DOCK9: variants seen among roughly 807,000 people sequenced by gnomAD.
The protein encoded by DOCK9 is dedicator of cytokinesis protein 9.
In DOCK9, 89 loss-of-function variants were observed where a neutral mutation model predicts 263.3. The observed-to-expected ratio is 0.34, with a 90% CI of 0.28 to 0.40. The LOEUF (loss-of-function observed/expected upper bound fraction) is 0.40. DOCK9 is among the 10% of genes least tolerant of loss of function. DOCK9 has a pLI of 1.00. For synonymous variants in DOCK9, 976 were observed against 973.1 expected, an observed-to-expected ratio of 1.00 and a Z score of -0.06; for missense variants, 2,140 against 2,603.4, an observed-to-expected ratio of 0.82 and a Z score of 3.87.
At chr13:98,967,413 G>C (rs756613525) in intron 1 of DOCK9, among the ~76,000 whole-genome samples, 3 of 152,196 alleles carry the variant, frequency 2.0e-5, no homozygotes, top group Non-Finnish European at 2.9e-5. Context: ...CTATATGGTT[G>C]CATCATCACC....
chr13:98,814,243 A>T (rs182878690), intron 45 of DOCK9, among the ~76,000 whole-genome samples: 1 of 152,342 alleles, frequency 6.6e-6, no homozygotes, highest in East Asian at 1.9e-4. Context: ...GTGCTTATTA[A>T]AAGGTACATC....
chr13:98,810,109 G>A (rs775363066), intron 46 of DOCK9, 60 bp downstream of exon 46: 115 of 1,606,300 alleles, frequency 7.2e-5, no homozygotes, highest in Non-Finnish European at 8.8e-5. Flanking sequence ...ATGCAGGTCT[G>A]GGTATATGTC....
chr13:98,878,688 G>T lies in DOCK9; in HGVS notation c.2943+1210C>A, dbSNP rs145823440. Among the ~76,000 whole-genome samples, 11 of 152,246 alleles carry T rather than the reference G, an allele frequency of 7.2e-5. No homozygotes were observed. The East Asian group carries it at 1.7e-3, about 24-fold the overall frequency. ...CCACTTCCATCTGGCATCTCCCTAT[G>T]CACTAAAATCAGAAGCTCTAAACTG... On this transcript the variant is annotated intron_variant, in intron 27 of 52. Transcript: ENST00000682017.
intron 1 of DOCK9, among the ~76,000 whole-genome samples, chr13:99,001,986 C>T (rs1199822721): frequency 6.6e-6 from 1 of 152,190 alleles, no homozygotes; most frequent in Non-Finnish European, 1.5e-5. Context: ...CTACCCCACT[C>T]CCCACCTACG....
intron 1 of DOCK9, among the ~76,000 whole-genome samples, chr13:98,991,174 T>A (rs1306112410): frequency 1.3e-5 from 2 of 152,036 alleles, no homozygotes; most frequent in Non-Finnish European, 2.9e-5. Flanking sequence ...TGGGTTCACG[T>A]TGATTCTTTG....
chr13:98,862,467 T>C (rs72650395), intron 32 of DOCK9, among the ~76,000 whole-genome samples: 23,384 of 151,958 alleles, frequency 0.15, 1,999 homozygotes, highest in East Asian at 0.23. Context: ...GGTGGGCAGA[T>C]GGAGAGTTCC....
chr13:98,815,078 G>A (rs1444777096), intron 45 of DOCK9, among the ~76,000 whole-genome samples: 3 of 152,010 alleles, frequency 2.0e-5, no homozygotes, highest in Non-Finnish European at 2.9e-5. Flanking sequence ...TCTATTGGAC[G>A]AGTGAATCAA....
intron 1 of DOCK9, among the ~76,000 whole-genome samples, chr13:99,076,184 T>A (rs547826729): frequency 6.6e-6 from 1 of 152,244 alleles, no homozygotes. Flanking sequence ...AGATATAATG[T>A]CACCATCCAC....
rs762219827 is a variant in DOCK9, at chr13:98,888,234, A to G, written c.1978-11T>C. 3 of 1,609,694 alleles carry G rather than the reference A, an allele frequency of 1.9e-6. No homozygotes were observed. The highest frequency in any genetic ancestry group is 2.2e-5 in the South Asian group (2 of 89,936). ...CGCAATATTTCTAGCCTGCAGCAAT[A>G]AACAAAACAGAATAAGAAAAAACAA... is the stretch of plus-strand genomic sequence containing the variant. On this transcript the variant is annotated splice_polypyrimidine_tract_variant and intron_variant, in intron 17 of 52. Coordinates refer to ENST00000682017, the MANE Select transcript of DOCK9 (RefSeq NM_001366683.2).
intron 1 of DOCK9, among the ~76,000 whole-genome samples, chr13:99,085,497 A>T (rs2042292864): frequency 6.6e-6 from 1 of 151,984 alleles, no homozygotes; most frequent in Non-Finnish European, 1.5e-5. Context: ...TCTTCCTCAC[A>T]CCCAGAGGCC....
At chr13:99,072,564 C>A (rs780990776) in intron 1 of DOCK9, among the ~76,000 whole-genome samples, 1 of 152,136 alleles carries the variant, frequency 6.6e-6, no homozygotes, top group Non-Finnish European at 1.5e-5. Flanking sequence ...TTCATGCATC[C>A]CCAGTGATCA....
intron 9 of DOCK9, among the ~76,000 whole-genome samples, chr13:98,906,422 C>T (rs1259807821): frequency 6.6e-6 from 1 of 152,138 alleles, no homozygotes; most frequent in East Asian, 1.9e-4. Context: ...AAGTCATCTC[C>T]ATCTTTATGA....
At chr13:99,037,963 T>C (rs1888063631) in intron 1 of DOCK9, among the ~76,000 whole-genome samples, 1 of 152,214 alleles carries the variant, frequency 6.6e-6, no homozygotes, top group South Asian at 2.1e-4. Flanking sequence ...GGACGGATCA[T>C]AAAAGGCACA....
chr13:98,912,892 ATTTTG>A (rs2050284891), intron 9 of DOCK9, among the ~76,000 whole-genome samples: 1 of 152,208 alleles, frequency 6.6e-6, no homozygotes, highest in Admixed American at 6.5e-5. Flanking sequence ...GGGCACAAAT[ATTTTG>A]TTTTGAGAAA....
At chr13:98,866,931 G>A (rs543843499) in intron 30 of DOCK9, 61 of 242,574 alleles carry the variant, frequency 2.5e-4, no homozygotes, top group African/African-American at 1.3e-3. Flanking sequence ...TTTATGGCAA[G>A]TTTAAAAATT....
intron 12 of DOCK9, 35 bp downstream of exon 12, chr13:98,902,240 ATGCAAAGTGAGTC>A: frequency 6.3e-7 from 1 of 1,596,056 alleles, no homozygotes; most frequent in Non-Finnish European, 8.5e-7. Flanking sequence ...TTTAGGTAGC[ATGCAAAGTGAGTC>A]TGAGTAGTGG....
intron 30 of DOCK9, among the ~76,000 whole-genome samples, chr13:98,866,572 C>T (rs1339701006): frequency 1.3e-5 from 2 of 152,180 alleles, no homozygotes; most frequent in South Asian, 2.1e-4. Context: ...GCTTGACAGA[C>T]CTGACAGACT....
chr13:98,960,945 G>A (rs1468459656), intron 1 of DOCK9, among the ~76,000 whole-genome samples: 3 of 152,184 alleles, frequency 2.0e-5, no homozygotes, highest in Non-Finnish European at 4.4e-5. Flanking sequence ...CCTGAAAATT[G>A]TATACATTCT....
intron 1 of DOCK9, among the ~76,000 whole-genome samples, chr13:99,079,364 C>A (rs1176399941): frequency 1.3e-5 from 2 of 152,070 alleles, no homozygotes; most frequent in African/African-American, 4.8e-5. Flanking sequence ...AGACTCAGCC[C>A]CCATACCTAC....
Sources: allele counts gnomAD v4.1 joint callset (sites outside exome capture counted in the v4.1 genomes callset), GRCh38; gene constraint gnomAD v4.1.1; transcripts MANE v1.5; gene names NCBI Gene and HGNC (gene_info 2026-07-23, HGNC 2026-07-21).